Variants in SYT14 observed in about 807,000 individuals in gnomAD.
The protein encoded by SYT14 is synaptotagmin 14, also known as synaptotagmin-14.
Under a neutral mutation model 74.2 loss-of-function variants are expected in SYT14, and 32 were observed. The ratio of observed to expected loss-of-function variants is 0.43; its 90% CI spans 0.33 to 0.58. The LOEUF (loss-of-function observed/expected upper bound fraction) is 0.58. Among genes scored for constraint, SYT14 ranks in the 20% least tolerant of loss-of-function variants. The probability of loss-of-function intolerance (pLI) is 0.05; values close to 1 mark genes in which losing one functional copy is unlikely to be tolerated. For synonymous variants in SYT14, 298 were observed against 337.7 expected, an observed-to-expected ratio of 0.88 and a Z score of 1.29; for missense variants, 791 against 981.8, an observed-to-expected ratio of 0.81 and a Z score of 2.60.
intron 5 of SYT14, among the ~76,000 whole-genome samples, chr1:210,039,230 A>G (rs548930048): frequency 1.3e-5 from 2 of 151,998 alleles, no homozygotes; most frequent in Admixed American, 6.6e-5. Context: ...AATTCCTTCA[A>G]TGAATTTTTC....
At chr1:210,053,433 T>A (rs1456460579) in intron 5 of SYT14, among the ~76,000 whole-genome samples, 1 of 152,224 alleles carries the variant, frequency 6.6e-6, no homozygotes, top group East Asian at 1.9e-4. Flanking sequence ...AGGACTGCTT[T>A]TTAGGCAGTG....
At chr1:210,073,021 A>G (rs904580950) in intron 5 of SYT14, among the ~76,000 whole-genome samples, 2 of 151,940 alleles carry the variant, frequency 1.3e-5, no homozygotes, top group Non-Finnish European at 2.9e-5. Flanking sequence ...AAAAAAAAAA[A>G]AAAAATCTTG....
chr1:210,019,028 T>C (rs1464843810), intron 4 of SYT14, among the ~76,000 whole-genome samples: 2 of 142,296 alleles, frequency 1.4e-5, no homozygotes, highest in East Asian at 4.1e-4. Context: ...CCCAGCTACT[T>C]GGGAGGCTGA....
At chr1:210,094,574 C>G (rs1193470335) in exon 6 of SYT14, 1 of 1,613,904 alleles carries the variant, frequency 6.2e-7, no homozygotes, top group Non-Finnish European at 8.5e-7. Context: ...AGTGACAGCA[C>G]TGCAGTCCTG....
intron 7 of SYT14, among the ~76,000 whole-genome samples, chr1:210,119,030 T>C (rs754399984): frequency 2.0e-5 from 3 of 152,204 alleles, no homozygotes; most frequent in Non-Finnish European, 4.4e-5. Flanking sequence ...AGATGATTTA[T>C]AATAGTAGGT....
chr1:210,102,973 A>T (rs577443176), intron 7 of SYT14, among the ~76,000 whole-genome samples: 1 of 152,232 alleles, frequency 6.6e-6, no homozygotes, highest in African/African-American at 2.4e-5. Flanking sequence ...GCACCATGCC[A>T]GGCCTTCTAG....
chr1:209,964,155 T>C (rs1441809091), intron 2 of SYT14, among the ~76,000 whole-genome samples: 1 of 152,194 alleles, frequency 6.6e-6, no homozygotes, highest in African/African-American at 2.4e-5. Context: ...CATGCTGTTC[T>C]CGTGTTAGTG....
intron 5 of SYT14, among the ~76,000 whole-genome samples, chr1:210,034,491 A>G (rs947993340): frequency 3.3e-5 from 5 of 151,694 alleles, no homozygotes; most frequent in African/African-American, 1.2e-4. Flanking sequence ...GTTGTTGCAT[A>G]GATATATTGC....
intron 1 of SYT14, among the ~76,000 whole-genome samples, chr1:209,946,988 A>G (rs1359786966): frequency 6.6e-6 from 1 of 152,184 alleles, no homozygotes; most frequent in African/African-American, 2.4e-5. Context: ...AACAGAGCCT[A>G]AAATTTTGGG....
intron 1 of SYT14, among the ~76,000 whole-genome samples, chr1:209,948,495 TTCTA>T (rs1268086411): frequency 6.6e-6 from 1 of 152,248 alleles, no homozygotes; most frequent in Non-Finnish European, 1.5e-5. Context: ...GCTTGTCACT[TTCTA>T]TCTGTTTCTC....
chr1:210,149,856 C>T (rs1450879030), intron 7 of SYT14, among the ~76,000 whole-genome samples: 3 of 152,172 alleles, frequency 2.0e-5, no homozygotes, highest in African/African-American at 7.2e-5. Flanking sequence ...ACATCACCTG[C>T]TCCCCAGTAA....
At chr1:210,096,834 C>G (rs1296461255) in intron 6 of SYT14, among the ~76,000 whole-genome samples, 2 of 152,212 alleles carry the variant, frequency 1.3e-5, no homozygotes, top group African/African-American at 4.8e-5. Context: ...AGGTAACACT[C>G]ATTTGATCCG....
intron 5 of SYT14, among the ~76,000 whole-genome samples, chr1:210,077,166 A>C (rs2081517448): frequency 6.6e-6 from 1 of 152,208 alleles, no homozygotes; most frequent in Admixed American, 6.5e-5. Flanking sequence ...GGGAGGCTTC[A>C]GGGAGCTTTT....
At chr1:210,016,082 G>C (rs1473472570) in exon 4 of SYT14, 1 of 1,231,952 alleles carries the variant, frequency 8.1e-7, no homozygotes, top group African/African-American at 1.6e-5. Flanking sequence ...TGCTGTAGAG[G>C]ATTTGACCAC....
chr1:210,132,550 G>A (rs1464829781), intron 7 of SYT14, among the ~76,000 whole-genome samples: 1 of 145,944 alleles, frequency 6.9e-6, no homozygotes, highest in Non-Finnish European at 1.5e-5. Flanking sequence ...AGTCTAAGAT[G>A]ATGATGATTT....
chr1:210,109,413 A>G (rs1273958654), intron 7 of SYT14, among the ~76,000 whole-genome samples: 1 of 152,006 alleles, frequency 6.6e-6, no homozygotes, highest in Non-Finnish European at 1.5e-5. Context: ...TCCCGTCGCT[A>G]ATAAAACACA....
intron 1 of SYT14, among the ~76,000 whole-genome samples, chr1:209,950,537 T>C (rs6540571): frequency 0.89 from 136,094 of 152,182 alleles, 61,145 homozygotes; most frequent in African/African-American, 0.97. Context: ...ATAACCATAG[T>C]TTTAAGTTAG....
intron 5 of SYT14, among the ~76,000 whole-genome samples, chr1:210,023,505 A>G (rs561674215): frequency 2.3e-3 from 353 of 152,152 alleles, no homozygotes; most frequent in Non-Finnish European, 4.0e-3. Context: ...CACCATGCCC[A>G]GCTAATTTTT....
At chr1:209,977,931 C>T (rs1315100017) in intron 2 of SYT14, among the ~76,000 whole-genome samples, 1 of 152,142 alleles carries the variant, frequency 6.6e-6, no homozygotes, top group Non-Finnish European at 1.5e-5. Context: ...CTCTAAACTT[C>T]TCTTCTTGCT....
Sources: allele counts gnomAD v4.1 joint callset (sites outside exome capture counted in the v4.1 genomes callset), GRCh38; gene constraint gnomAD v4.1.1; transcripts MANE v1.5; gene names NCBI Gene and HGNC (gene_info 2026-07-23, HGNC 2026-07-21).